Variants in KCNMB4 observed in about 807,000 individuals in gnomAD.
The protein encoded by KCNMB4 is potassium calcium-activated channel subfamily M regulatory beta subunit 4.
A neutral mutation model predicts 20.7 loss-of-function variants in KCNMB4; 3 were observed. That is an observed-to-expected ratio of 0.14 (90% confidence interval 0.07 to 0.37). KCNMB4 has a LOEUF of 0.37. Among genes scored for constraint, KCNMB4 ranks in the 10% least tolerant of loss-of-function variants. The probability of loss-of-function intolerance (pLI) is 1.00; values close to 1 mark genes in which losing one functional copy is unlikely to be tolerated. For missense variants in KCNMB4, 168 were observed against 265.9 expected (o/e 0.63, Z 2.56); for synonymous variants, 110 against 113.4 (o/e 0.97, Z 0.19).
rs192321164 is a variant in KCNMB4 at position 70,432,795 on chromosome 12, A to G, written c.*2142A>G. ...GAAATAATCATCTCTGCATCACATT[A>G]TGGGAGACGAAGTCTGCTTTATCCA... On this transcript the variant is annotated 3_prime_UTR_variant, in exon 3 of 3. Coordinates refer to ENST00000258111, the MANE Select transcript of KCNMB4 (RefSeq NM_014505.6). 24 of 152,290 alleles carry G rather than the reference A, an allele frequency of 1.6e-4. No homozygotes were observed. The East Asian group carries it at 4.6e-3, about 29-fold the overall frequency. The allele number at this position is 152,290 out of a possible 1,614,324, so 9.4% of individuals were successfully genotyped here.
At chr12:70,409,671 T>C (rs1868715399) in intron 2 of KCNMB4, among the ~76,000 whole-genome samples, 1 of 152,166 alleles carries the variant, frequency 6.6e-6, no homozygotes, top group Non-Finnish European at 1.5e-5. Flanking sequence ...TACGGCATGA[T>C]GGGGAATTTC....
In KCNMB4 at chr12:70,430,664, GGCT is replaced by G. The variant is rs779511764; in HGVS notation, c.*12_*14del. 4.4e-6 allele frequency: 7 copies of G among 1,598,178 alleles called. No individual in the cohort carries two copies. The African/African-American group carries it at 9.5e-5, about 22-fold the overall frequency. On this transcript the variant is annotated 3_prime_UTR_variant, in exon 3 of 3. Coordinates refer to ENST00000258111, the MANE Select transcript of KCNMB4 (RefSeq NM_014505.6). ...CGCAAGTTCTCTTAAAGGGGAAGGAGGCTTGTAGAAAGCAAAGTACAGAAGCTG... is the reference window on the plus strand; with the variant it reads ...CGCAAGTTCTCTTAAAGGGGAAGGAGTGTAGAAAGCAAAGTACAGAAGCTG...
intron 2 of KCNMB4, among the ~76,000 whole-genome samples, chr12:70,405,585 C>CA (rs1215175837): frequency 6.6e-6 from 1 of 152,094 alleles, no homozygotes; most frequent in Non-Finnish European, 1.5e-5. Flanking sequence ...GGATGTTCCT[C>CA]AAAAAATTAA....
chr12:70,373,050 A>G (rs1883626692), intron 1 of KCNMB4, among the ~76,000 whole-genome samples: 1 of 152,164 alleles, frequency 6.6e-6, no homozygotes, highest in Admixed American at 6.5e-5. Flanking sequence ...AACACAGGGC[A>G]CATAGAATGA....
chr12:70,370,408 T>C (rs1207827627), intron 1 of KCNMB4, among the ~76,000 whole-genome samples: 8 of 151,312 alleles, frequency 5.3e-5, no homozygotes, highest in Admixed American at 5.3e-4. Flanking sequence ...CCCTGGTTCA[T>C]GCCATTCTCC....
At chr12:70,375,429 G>C (rs1284349058) in intron 1 of KCNMB4, among the ~76,000 whole-genome samples, 1 of 151,028 alleles carries the variant, frequency 6.6e-6, no homozygotes, top group Non-Finnish European at 1.5e-5. Context: ...GAGGCCAGGA[G>C]TTCAAGACCA....
At chr12:70,424,256 C>T (rs1372899745) in intron 2 of KCNMB4, among the ~76,000 whole-genome samples, 1 of 152,060 alleles carries the variant, frequency 6.6e-6, no homozygotes, top group East Asian at 1.9e-4. Context: ...AGGGAAGATC[C>T]AAGAAAGCTT....
chr12:70,419,634 G>T (rs2136140113), intron 2 of KCNMB4, among the ~76,000 whole-genome samples: 2 of 152,182 alleles, frequency 1.3e-5, no homozygotes, highest in South Asian at 4.1e-4. Flanking sequence ...ATAGGATTGG[G>T]GCTAAAGTGA....
At chr12:70,384,980 C>T (rs567816429) in intron 1 of KCNMB4, among the ~76,000 whole-genome samples, 5 of 151,706 alleles carry the variant, frequency 3.3e-5, no homozygotes, top group Non-Finnish European at 5.9e-5. Flanking sequence ...AGTCACTTAA[C>T]CTCTTGATCA....
At chr12:70,379,673 G>A (rs974585143) in intron 1 of KCNMB4, among the ~76,000 whole-genome samples, 2 of 152,152 alleles carry the variant, frequency 1.3e-5, no homozygotes, top group African/African-American at 4.8e-5. Flanking sequence ...TCTCCCTTCA[G>A]AATGCTGGGA....
At chr12:70,375,386 A>G (rs539319875) in intron 1 of KCNMB4, among the ~76,000 whole-genome samples, 6 of 152,052 alleles carry the variant, frequency 3.9e-5, no homozygotes, top group African/African-American at 9.6e-5. Flanking sequence ...TGTAATACCA[A>G]TACTCTGGGA....
chr12:70,420,915 G>A (rs868634448), intron 2 of KCNMB4, among the ~76,000 whole-genome samples: 5 of 147,448 alleles, frequency 3.4e-5, no homozygotes, highest in African/African-American at 5.0e-5. Context: ...AAAATTAGCC[G>A]GGCGTGGTGG....
chr12:70,416,988 A>T (rs1435048321), intron 2 of KCNMB4, among the ~76,000 whole-genome samples: 3 of 152,242 alleles, frequency 2.0e-5, no homozygotes, highest in African/African-American at 7.2e-5. Context: ...TTCTTCAGAA[A>T]GACATGCAGC....
intron 1 of KCNMB4, among the ~76,000 whole-genome samples, chr12:70,380,200 TAGAG>T (rs974176113): frequency 6.6e-6 from 1 of 152,084 alleles, no homozygotes; most frequent in Non-Finnish European, 1.5e-5. Flanking sequence ...GTTTCAGGAA[TAGAG>T]AGGCCCCAGA....
chr12:70,426,226 G>A (rs953393412), intron 2 of KCNMB4, among the ~76,000 whole-genome samples: 5 of 151,722 alleles, frequency 3.3e-5, no homozygotes, highest in East Asian at 1.9e-4. Context: ...CCCAGGAGGC[G>A]GAGGTTGCAG....
At chr12:70,410,060 C>T (rs748980720) in intron 2 of KCNMB4, among the ~76,000 whole-genome samples, 39 of 152,194 alleles carry the variant, frequency 2.6e-4, no homozygotes, top group Non-Finnish European at 1.9e-4. Context: ...TCTCTTTCTC[C>T]TCACCTGGGG....
intron 1 of KCNMB4, among the ~76,000 whole-genome samples, chr12:70,395,151 G>GTTTTGTTTTTTTTTTTTTTTT: frequency 6.6e-6 from 1 of 151,474 alleles, no homozygotes; most frequent in Non-Finnish European, 1.5e-5. Flanking sequence ...AGTAGATAAT[G>GTTTTGTTTTTTTTTTTTTTTT]TTTTAAGAAT....
intron 1 of KCNMB4, among the ~76,000 whole-genome samples, chr12:70,395,757 T>C (rs190323962): frequency 4.7e-4 from 72 of 152,328 alleles, no homozygotes; most frequent in African/African-American, 1.6e-3. Flanking sequence ...AAAGAAGTTA[T>C]TTCATCCAAG....
intron 1 of KCNMB4, among the ~76,000 whole-genome samples, chr12:70,376,199 C>A (rs1475094837): frequency 1.3e-5 from 2 of 148,978 alleles, no homozygotes; most frequent in Non-Finnish European, 3.0e-5. Flanking sequence ...AACTTCTCAA[C>A]CTGAAAAAGG....
Sources: allele counts gnomAD v4.1 joint callset (sites outside exome capture counted in the v4.1 genomes callset), GRCh38; gene constraint gnomAD v4.1.1; transcripts MANE v1.5; gene names NCBI Gene and HGNC (gene_info 2026-07-23, HGNC 2026-07-21).